Variants in VRK1 observed in about 807,000 individuals in gnomAD.
VRK1 encodes the protein serine/threonine-protein kinase VRK1.
In VRK1, 33 loss-of-function variants were observed where a neutral mutation model predicts 57.1. The observed-to-expected ratio is 0.58, with a 90% CI of 0.44 to 0.77. VRK1 has a LOEUF of 0.77. VRK1 is among the 30% of genes least tolerant of loss of function. VRK1 has a pLI of 0.00. For missense variants in VRK1, 413 were observed against 477.3 expected (o/e 0.87, Z 1.25); for synonymous variants, 137 against 147.8 (o/e 0.93, Z 0.53).
chr14:96,847,604 C>G (rs990533899), intron 5 of VRK1, among the ~76,000 whole-genome samples: 3 of 152,098 alleles, frequency 2.0e-5, no homozygotes, highest in African/African-American at 4.8e-5. Context: ...TGACTGGAAC[C>G]CAACTGACAA....
intron 5 of VRK1, among the ~76,000 whole-genome samples, chr14:96,848,588 G>T (rs914396870): frequency 6.6e-6 from 1 of 152,096 alleles, no homozygotes; most frequent in African/African-American, 2.4e-5. Context: ...ATATGGTTTT[G>T]CTGGGATAGC....
chr14:96,841,849 T>A (rs1012855803), intron 3 of VRK1, among the ~76,000 whole-genome samples: 6 of 148,886 alleles, frequency 4.0e-5, no homozygotes, highest in African/African-American at 1.2e-4. Flanking sequence ...AAAAAAAAAA[T>A]ACCAAAAATA....
At chr14:96,877,632 A>T in intron 12 of VRK1, 1 of 1,286,212 alleles carries the variant, frequency 7.8e-7, no homozygotes, top group Admixed American at 2.3e-5. Context: ...CTTAAAAAAC[A>T]ATCCCTTAAA....
At chr14:96,819,541 C>A (rs188362871) in intron 1 of VRK1, among the ~76,000 whole-genome samples, 1 of 152,070 alleles carries the variant, frequency 6.6e-6, no homozygotes, top group African/African-American at 2.4e-5. Flanking sequence ...CAAATAATTG[C>A]GGTTTTGGAC....
chr14:96,819,052 T>C (rs1886498206), intron 1 of VRK1, among the ~76,000 whole-genome samples: 1 of 152,242 alleles, frequency 6.6e-6, no homozygotes, highest in African/African-American at 2.4e-5. Context: ...TGATGTAATT[T>C]AGCAAAGGAG....
At chr14:96,872,956 G>T (rs1302454978) in intron 11 of VRK1, among the ~76,000 whole-genome samples, 1 of 152,124 alleles carries the variant, frequency 6.6e-6, no homozygotes, top group East Asian at 1.9e-4. Flanking sequence ...GTTCTAAACT[G>T]TGTTCTATAG....
At chr14:96,865,291 C>T (rs1888541145) in intron 11 of VRK1, among the ~76,000 whole-genome samples, 1 of 152,052 alleles carries the variant, frequency 6.6e-6, no homozygotes. Flanking sequence ...TTGATCTCAA[C>T]CATTTGTGGA....
intron 1 of VRK1, among the ~76,000 whole-genome samples, chr14:96,818,056 C>T (rs1453948494): frequency 6.6e-6 from 1 of 152,122 alleles, no homozygotes; most frequent in East Asian, 1.9e-4. Flanking sequence ...CCTGTTGAGA[C>T]CCAGGAATGG....
chr14:96,867,418 TTC>T (rs1888625536), intron 11 of VRK1, among the ~76,000 whole-genome samples: 1 of 152,014 alleles, frequency 6.6e-6, no homozygotes, highest in South Asian at 2.1e-4. Context: ...CTTCTTGCCT[TTC>T]TCTTTGTCCT....
intron 1 of VRK1, among the ~76,000 whole-genome samples, chr14:96,804,179 A>C (rs895332601): frequency 1.3e-5 from 2 of 151,840 alleles, no homozygotes; most frequent in African/African-American, 4.8e-5. Context: ...TTTTGGTTTC[A>C]TTTTTGCACA....
chr14:96,879,182 A>G (rs1889155135), intron 12 of VRK1, among the ~76,000 whole-genome samples: 1 of 152,002 alleles, frequency 6.6e-6, no homozygotes, highest in Non-Finnish European at 1.5e-5. Flanking sequence ...TTCTGATTGG[A>G]CCCTTTGCCA....
intron 12 of VRK1, among the ~76,000 whole-genome samples, chr14:96,880,373 C>T (rs1421715142): frequency 1.3e-5 from 2 of 152,148 alleles, no homozygotes; most frequent in Non-Finnish European, 2.9e-5. Flanking sequence ...GACTCTGGTG[C>T]CCCTGCTCTT....
At chr14:96,862,777 C>T (rs974165257) in intron 11 of VRK1, among the ~76,000 whole-genome samples, 1 of 152,098 alleles carries the variant, frequency 6.6e-6, no homozygotes, top group African/African-American at 2.4e-5. Flanking sequence ...AGGCTCAAAA[C>T]TAAATATGAT....
chr14:96,823,986 A>G (rs1038229848), intron 1 of VRK1, among the ~76,000 whole-genome samples: 2 of 152,212 alleles, frequency 1.3e-5, no homozygotes, highest in African/African-American at 2.4e-5. Context: ...TGCTGTGCAC[A>G]TGGGTGTACA....
intron 3 of VRK1, among the ~76,000 whole-genome samples, chr14:96,840,930 A>G (rs536478101): frequency 4.0e-5 from 6 of 150,960 alleles, no homozygotes; most frequent in African/African-American, 1.2e-4. Context: ...ATTATAGCTC[A>G]TTGCAGCCTT....
chr14:96,845,563 T>G (rs79756835), intron 3 of VRK1, among the ~76,000 whole-genome samples: 1,593 of 152,270 alleles, frequency 0.01, 22 homozygotes, highest in African/African-American at 0.031. Context: ...TGCAGGTTAG[T>G]GGACAGTGCA....
intron 11 of VRK1, among the ~76,000 whole-genome samples, chr14:96,868,220 A>T (rs1595686282): frequency 6.6e-6 from 1 of 152,284 alleles, no homozygotes; most frequent in Middle Eastern, 3.4e-3. Context: ...CCATTAACAC[A>T]CAAATACCTC....
intron 1 of VRK1, among the ~76,000 whole-genome samples, chr14:96,833,048 G>A (rs1053830353): frequency 1.3e-5 from 2 of 152,246 alleles, no homozygotes; most frequent in Non-Finnish European, 1.5e-5. Context: ...GTTGCCTTAT[G>A]TTTTCAATCT....
At chr14:96,864,653 A>C (rs1248911640) in intron 11 of VRK1, among the ~76,000 whole-genome samples, 1 of 152,092 alleles carries the variant, frequency 6.6e-6, no homozygotes, top group African/African-American at 2.4e-5. Context: ...GGGCTTACTT[A>C]TGTTGAGGGT....
Sources: allele counts gnomAD v4.1 joint callset (sites outside exome capture counted in the v4.1 genomes callset), GRCh38; gene constraint gnomAD v4.1.1; transcripts MANE v1.5; gene names NCBI Gene and HGNC (gene_info 2026-07-23, HGNC 2026-07-21).